The following PPP6R3 variants were observed in gnomAD, a reference collection of about 807,000 sequenced individuals.
PPP6R3 encodes protein phosphatase 6 regulatory subunit 3.
Under a neutral mutation model 110.7 loss-of-function variants are expected in PPP6R3, and 38 were observed. The ratio of observed to expected loss-of-function variants is 0.34; its 90% CI spans 0.26 to 0.45. The LOEUF (loss-of-function observed/expected upper bound fraction) is 0.45. Ranked by LOEUF, PPP6R3 falls within the 20% of genes least tolerant of loss-of-function variation. The pLI is 1.00. For synonymous variants in PPP6R3, 369 were observed against 373.5 expected (o/e 0.99, Z 0.14); for missense variants, 870 against 1,062.4 (o/e 0.82, Z 2.52).
intron 3 of PPP6R3, among the ~76,000 whole-genome samples, chr11:68,544,261 G>A (rs2099336349): frequency 6.6e-6 from 1 of 152,106 alleles, no homozygotes; most frequent in African/African-American, 2.4e-5. Context: ...TCCTGCCTTG[G>A]TAGCCCAGGC....
At chr11:68,481,815 C>T (rs1478389690) in intron 1 of PPP6R3, among the ~76,000 whole-genome samples, 1 of 152,164 alleles carries the variant, frequency 6.6e-6, no homozygotes, top group Non-Finnish European at 1.5e-5. Flanking sequence ...TGCTGAGTCC[C>T]TGCTATTAAA....
chr11:68,601,914 T>A lies in PPP6R3; in HGVS notation c.2244T>A (p.Thr748=), dbSNP rs1245701973. 1.6e-5 allele frequency: 26 copies of A among 1,613,710 alleles called. No individual in the cohort carries two copies. Among genetic ancestry groups the A allele is most frequent in the Non-Finnish European group, 2.1e-5 (25 of 1,179,838 alleles). ...SNSPVEMETS[T]EPMDPLTPSA... ...CTCCAGTGGAAATGGAAACCAGCAC[T>A]GAACCCATGGACCCTCTGACTCCCA... is the stretch of plus-strand genomic sequence containing the variant. The change falls in exon 21 of 24, where the codon ACT becomes ACA. Residue 748 remains threonine (T), a synonymous_variant. Transcript: ENST00000393800.
At chr11:68,541,231 T>C (rs945892909) in intron 3 of PPP6R3, among the ~76,000 whole-genome samples, 4 of 152,234 alleles carry the variant, frequency 2.6e-5, no homozygotes, top group Non-Finnish European at 5.9e-5. Context: ...TTGGGGTCCC[T>C]GACTTCCTGC....
chr11:68,574,454 G>A (rs1249638936), intron 13 of PPP6R3, among the ~76,000 whole-genome samples: 1 of 152,148 alleles, frequency 6.6e-6, no homozygotes, highest in Non-Finnish European at 1.5e-5. Context: ...GGCAGGCTTG[G>A]CTGGATTCAG....
chr11:68,587,511 G>A lies in PPP6R3; in HGVS notation c.1633-416G>A, dbSNP rs139982340. 4 of 204,802 alleles carry A rather than the reference G, an allele frequency of 2.0e-5. No individual in the cohort carries two copies. The East Asian group carries it at 5.5e-4, about 28-fold the overall frequency. The allele number at this position is 204,802 out of a possible 1,614,324, so 12.7% of individuals were successfully genotyped here. Reference sequence around the variant, plus strand: ...CTGTAGTAGATTGGGGGTGGAGGAGGTGGCAAGGAGGGAGGGGGTGGTCAC... The same window carrying A: ...CTGTAGTAGATTGGGGGTGGAGGAGATGGCAAGGAGGGAGGGGGTGGTCAC... On this transcript the variant is annotated intron_variant, in intron 15 of 23. Transcript: ENST00000393800.
chr11:68,584,096 G>A (rs1420074141), intron 15 of PPP6R3, among the ~76,000 whole-genome samples: 1 of 152,206 alleles, frequency 6.6e-6, no homozygotes, highest in African/African-American at 2.4e-5. Context: ...TAGGTCTGAA[G>A]TAGCATTTCA....
intron 16 of PPP6R3, among the ~76,000 whole-genome samples, chr11:68,589,842 G>A (rs1337440131): frequency 3.9e-5 from 6 of 152,232 alleles, no homozygotes; most frequent in African/African-American, 7.2e-5. Context: ...TGGAGGTGCC[G>A]CTGTAAACAG....
At chr11:68,528,735 C>T (rs958639530) in intron 2 of PPP6R3, among the ~76,000 whole-genome samples, 2 of 152,188 alleles carry the variant, frequency 1.3e-5, no homozygotes, top group African/African-American at 4.8e-5. Context: ...TCCCTGGCCC[C>T]TTCTTAGTGG....
At chr11:68,527,660 C>T (rs2099207132) in intron 2 of PPP6R3, among the ~76,000 whole-genome samples, 1 of 152,232 alleles carries the variant, frequency 6.6e-6, no homozygotes, top group Admixed American at 6.5e-5. Context: ...TGAATCTCTG[C>T]TGTAGATATT....
intron 1 of PPP6R3, among the ~76,000 whole-genome samples, chr11:68,498,944 T>C (rs1395876013): frequency 6.6e-6 from 1 of 152,188 alleles, no homozygotes; most frequent in African/African-American, 2.4e-5. Flanking sequence ...AAAGTTCCAC[T>C]TACTCTGGAT....
rs1381897295 is a variant in PPP6R3 at position 68,567,034 on chromosome 11, A to G, written c.996A>G (p.Thr332=). Residue 332 remains threonine (T), a synonymous_variant, in exon 10 of 24, where the codon ACA becomes ACG. Transcript: ENST00000393800. ...EPPKKSVMKT[T]WGVLDPPVGN... ...TTCAGAAAAGTGTGATGAAGACCAC[A>G]TGGGGTGTGCTGGATCCTCCTGTGG... 2 of 1,550,048 alleles carry G rather than the reference A, an allele frequency of 1.3e-6. No individual in the cohort carries two copies. Among genetic ancestry groups the G allele is most frequent in the Non-Finnish European group, 1.7e-6 (2 of 1,146,520 alleles).
chr11:68,508,121 C>CTTTTTTTTTTTTTTTT (rs748376581), intron 1 of PPP6R3, among the ~76,000 whole-genome samples: 13 of 77,622 alleles, frequency 1.7e-4, no homozygotes, highest in African/African-American at 7.9e-4. Context: ...GTTTTTTGGC[C>CTTTTTTTTTTTTTTTT]TTTTTTTTTT....
At position 68,528,424 on chromosome 11, in the gene PPP6R3, T is replaced by TTG. The variant is rs1398278319; in HGVS notation, c.-7+8782_-7+8783dup. Among the ~76,000 whole-genome samples, 253 of 45,972 alleles carry TTG rather than the reference T, an allele frequency of 5.5e-3. 2 individuals are homozygous for TTG. In the East Asian group the frequency reaches 0.058, roughly 10 times the overall value. The allele number at this position is 45,972 out of a possible 152,430, so 30.2% of individuals were successfully genotyped here. On this transcript the variant is annotated intron_variant, in intron 2 of 23. Coordinates refer to ENST00000393800, the MANE Select transcript of PPP6R3 (RefSeq NM_001164161.2). ...GTAGGCACCTGATATTTGATTTAAT[T>TTG]TGTGTGTGTGGGGGGGGGGGCTGCA... is the stretch of plus-strand genomic sequence containing the variant.
chr11:68,558,948 A>G (rs574744114), intron 8 of PPP6R3, among the ~76,000 whole-genome samples: 2 of 152,366 alleles, frequency 1.3e-5, no homozygotes, highest in South Asian at 4.1e-4. Flanking sequence ...AATGCTTACT[A>G]TAATAAATGC....
intron 16 of PPP6R3, among the ~76,000 whole-genome samples, chr11:68,588,813 C>A (rs2099586904): frequency 6.6e-6 from 1 of 151,618 alleles, no homozygotes; most frequent in South Asian, 2.1e-4. Context: ...TAGGGTTTGA[C>A]CTCTTTCACA....
intron 1 of PPP6R3, among the ~76,000 whole-genome samples, chr11:68,508,296 T>A (rs1022886316): frequency 1.3e-5 from 2 of 151,312 alleles, no homozygotes; most frequent in African/African-American, 2.4e-5. Flanking sequence ...GCCCGGCTTA[T>A]TTTTTTTGTA....
intron 6 of PPP6R3, 119 bp downstream of exon 6, chr11:68,551,305 C>A: frequency 1.4e-6 from 1 of 731,362 alleles, no homozygotes; most frequent in Non-Finnish European, 2.2e-6. Flanking sequence ...GGGAGAATAG[C>A]AGCGATCTAG....
In PPP6R3 at chr11:68,588,007, T is replaced by A. The variant is rs1319287342; in HGVS notation, c.1713T>A (p.Asp571Glu). ...GCTTCAACGATGAGAAGTTTGCAGA[T>A]CAAGATGACATTGGCAAGTGAGTAT... Reference protein sequence around the residue: ...QFGFNDEKFADQDDIGNVSFD... With the variant: ...QFGFNDEKFAEQDDIGNVSFD... The change falls in exon 16 of 24, where the codon GAT becomes GAA. Residue 571 changes from aspartate (D) to glutamate (E), a missense_variant. Coordinates refer to ENST00000393800, the MANE Select transcript of PPP6R3 (RefSeq NM_001164161.2). 1.2e-6 allele frequency: 2 copies of A among 1,613,998 alleles called. No individual in the cohort carries two copies. Among genetic ancestry groups the A allele is most frequent in the Admixed American group, 3.3e-5 (2 of 60,028 alleles).
intron 1 of PPP6R3, among the ~76,000 whole-genome samples, chr11:68,508,942 T>G (rs2099093518): frequency 6.6e-6 from 1 of 152,216 alleles, no homozygotes; most frequent in Non-Finnish European, 1.5e-5. Flanking sequence ...CTGTCTTGAT[T>G]TCTTTTTTGG....
Sources: allele counts gnomAD v4.1 joint callset (sites outside exome capture counted in the v4.1 genomes callset), GRCh38; gene constraint gnomAD v4.1.1; transcripts MANE v1.5; gene names NCBI Gene and HGNC (gene_info 2026-07-23, HGNC 2026-07-21).